DNAJC24: variants seen among roughly 807,000 people sequenced by gnomAD.
The protein encoded by DNAJC24 is DnaJ heat shock protein family (Hsp40) member C24, also known as dnaJ homolog subfamily C member 24.
In DNAJC24, 17 loss-of-function variants were observed where a neutral mutation model predicts 18.0. The ratio of observed to expected loss-of-function variants is 0.94; its 90% CI spans 0.65 to 1.42. The LOEUF is 1.42. Among genes scored for constraint, DNAJC24 ranks in the 40% most tolerant of loss-of-function variants. DNAJC24 has a pLI of 0.00. For missense variants in DNAJC24, 158 were observed against 175.6 expected, an observed-to-expected ratio of 0.90 and a Z score of 0.57; for synonymous variants, 55 against 57.7, an observed-to-expected ratio of 0.95 and a Z score of 0.21.
intron 2 of DNAJC24, among the ~76,000 whole-genome samples, chr11:31,390,516 G>A (rs1450385226): frequency 1.3e-5 from 2 of 151,000 alleles, no homozygotes; most frequent in South Asian, 4.2e-4. Flanking sequence ...GACCTTCCTA[G>A]CCATTATAGT....
intron 2 of DNAJC24, among the ~76,000 whole-genome samples, chr11:31,394,514 C>T (rs1299782210): frequency 6.6e-6 from 1 of 151,530 alleles, no homozygotes; most frequent in Non-Finnish European, 1.5e-5. Flanking sequence ...TCCTCTTCCA[C>T]CACACTGTTT....
intron 2 of DNAJC24, among the ~76,000 whole-genome samples, chr11:31,392,887 G>A (rs1211711085): frequency 6.6e-6 from 1 of 151,934 alleles, no homozygotes; most frequent in African/African-American, 2.4e-5. Context: ...GACCTCAGGT[G>A]ATCTGCCCAC....
chr11:31,400,356 C>T (rs537340315), intron 2 of DNAJC24, among the ~76,000 whole-genome samples: 5 of 152,094 alleles, frequency 3.3e-5, no homozygotes, highest in South Asian at 2.1e-4. Flanking sequence ...AATGGTTATT[C>T]GCAGAATTAG....
At chr11:31,392,993 G>A (rs1952512775) in intron 2 of DNAJC24, among the ~76,000 whole-genome samples, 1 of 152,152 alleles carries the variant, frequency 6.6e-6, no homozygotes, top group Non-Finnish European at 1.5e-5. Flanking sequence ...AGCCATCTAT[G>A]AAGCAGGCCC....
intron 2 of DNAJC24, among the ~76,000 whole-genome samples, chr11:31,400,314 G>A (rs1173945191): frequency 1.3e-5 from 2 of 152,054 alleles, no homozygotes; most frequent in Non-Finnish European, 1.5e-5. Context: ...TCTGGTTCTA[G>A]GTCCTTGAGG....
intron 2 of DNAJC24, among the ~76,000 whole-genome samples, chr11:31,409,573 A>G (rs993063844): frequency 1.3e-5 from 2 of 152,150 alleles, no homozygotes; most frequent in African/African-American, 2.4e-5. Flanking sequence ...TGAGTGTGTC[A>G]TAATTTGTTC....
At chr11:31,430,162 T>G (rs546867438) in intron 4 of DNAJC24, 109 bp from the exon 5 acceptor site, 1 of 992,366 alleles carries the variant, frequency 1.0e-6, no homozygotes, top group South Asian at 2.4e-5. Flanking sequence ...TTACTGAGCT[T>G]CTTTGTTTTG....
intron 4 of DNAJC24, among the ~76,000 whole-genome samples, chr11:31,428,806 T>C (rs959470640): frequency 7.9e-5 from 12 of 152,190 alleles, no homozygotes; most frequent in African/African-American, 1.9e-4. Flanking sequence ...GGTTAAAAGA[T>C]TGATGGTATA....
intron 4 of DNAJC24, chr11:31,429,758 G>GA (rs1293889146): frequency 6.1e-6 from 1 of 163,590 alleles, no homozygotes; most frequent in African/African-American, 2.4e-5. Context: ...CTTAAGTCAA[G>GA]ATTCTTGAAA....
chr11:31,400,547 A>G lies in DNAJC24; in HGVS notation c.112-14264A>G, dbSNP rs569608956. Reference sequence around the variant, plus strand: ...AAACAGATATACAGATCAATGGAACAGAACAGAGACCTTGGAAATAACACC... The same window carrying G: ...AAACAGATATACAGATCAATGGAACGGAACAGAGACCTTGGAAATAACACC... On this transcript the variant is annotated intron_variant, in intron 2 of 4. Coordinates refer to ENST00000465995, the MANE Select transcript of DNAJC24 (RefSeq NM_181706.5). Among the ~76,000 whole-genome samples, 157 of 152,352 alleles carry G rather than the reference A, an allele frequency of 1.0e-3. 1 individual carries two copies. The highest frequency in any genetic ancestry group is 1.8e-3 in the Non-Finnish European group (122 of 68,038).
chr11:31,416,302 C>G (rs1167887602), intron 3 of DNAJC24: 1 of 152,074 alleles, frequency 6.6e-6, no homozygotes, highest in African/African-American at 2.4e-5. Flanking sequence ...GTACTTTTTG[C>G]AAAAGAATGT....
rs923733454 is a variant in DNAJC24, at chr11:31,414,711, C to T, written c.112-100C>T. ...CCTTGGCATTTGGTTTTCATCTTCT[C>T]ATTACCTTCTTAACTAAAGCTCAGA... On this transcript the variant is annotated intron_variant, in intron 2 of 4. Transcript: ENST00000465995. 117 of 1,309,448 alleles carry T rather than the reference C, an allele frequency of 8.9e-5. No individual in the cohort carries two copies. In the Middle Eastern group the frequency reaches 1.2e-3, roughly 13 times the overall value. 81.1% of individuals were successfully genotyped at this position (1,309,448 alleles called of 1,614,324 possible).
intron 2 of DNAJC24, among the ~76,000 whole-genome samples, chr11:31,394,506 C>T (rs887084872): frequency 6.6e-6 from 1 of 151,580 alleles, no homozygotes; most frequent in Non-Finnish European, 1.5e-5. Context: ...GATGGCCCTC[C>T]TCTTCCACCA....
At chr11:31,386,879 G>C (rs181326252) in intron 2 of DNAJC24, among the ~76,000 whole-genome samples, 11 of 152,214 alleles carry the variant, frequency 7.2e-5, no homozygotes, top group African/African-American at 2.6e-4. Flanking sequence ...CCTGAAGGGA[G>C]AGACCCCGGG....
chr11:31,408,033 A>G (rs891109194), intron 2 of DNAJC24: 11 of 450,726 alleles, frequency 2.4e-5, no homozygotes, highest in Non-Finnish European at 4.9e-5. Flanking sequence ...GACATTTATG[A>G]TTAGTGAACG....
chr11:31,397,257 A>AT, intron 2 of DNAJC24, among the ~76,000 whole-genome samples: 1 of 152,104 alleles, frequency 6.6e-6, no homozygotes, highest in African/African-American at 2.4e-5. Flanking sequence ...GTAGTAAATA[A>AT]TTTTTTTTGA....
rs183368947 is a variant in DNAJC24 at position 31,383,992 on chromosome 11, G to A, written c.111+13133G>A. Reference sequence around the variant, plus strand: ...CCAGAATAGGCAAAATACTCTCAGGGCAAAAACACCTTCAGTTCTTTGTCT... The same window carrying A: ...CCAGAATAGGCAAAATACTCTCAGGACAAAAACACCTTCAGTTCTTTGTCT... On this transcript the variant is annotated intron_variant, in intron 2 of 4. Coordinates refer to ENST00000465995, the MANE Select transcript of DNAJC24 (RefSeq NM_181706.5). 1.0e-3 allele frequency among the ~76,000 whole-genome samples: 155 copies of A among 152,288 alleles called. 1 individual carries two copies. Among genetic ancestry groups the A allele is most frequent in the African/African-American group, 3.4e-3 (143 of 41,572 alleles).
intron 2 of DNAJC24, among the ~76,000 whole-genome samples, chr11:31,394,088 A>T (rs1310215439): frequency 6.6e-6 from 1 of 152,206 alleles, no homozygotes; most frequent in Non-Finnish European, 1.5e-5. Flanking sequence ...CCTGAGTGAC[A>T]CTTACCTAAG....
chr11:31,429,415 T>TA, intron 4 of DNAJC24: 1 of 352,520 alleles, frequency 2.8e-6, no homozygotes, highest in Non-Finnish European at 6.2e-6. Context: ...CTTTGAGACT[T>TA]ATTTATGTAA....
Sources: gnomAD v4.1 joint callset for allele counts (sites outside exome capture counted in the v4.1 genomes callset) on GRCh38, gnomAD v4.1.1 for gene constraint, MANE v1.5 for transcripts, NCBI Gene and HGNC (gene_info 2026-07-23, HGNC 2026-07-21) for gene names.